The following MOB3A variants were observed in gnomAD, a reference collection of about 807,000 sequenced individuals.
The protein encoded by MOB3A is MOB kinase activator 3A.
Under a neutral mutation model 17.8 loss-of-function variants are expected in MOB3A, and 17 were observed. The observed-to-expected ratio is 0.95, with a 90% CI of 0.65 to 1.43. MOB3A has a LOEUF of 1.43. Among genes scored for constraint, MOB3A ranks in the 40% most tolerant of loss-of-function variants. The pLI is 0.00. For missense variants in MOB3A, 333 were observed against 310.8 expected, an observed-to-expected ratio of 1.07 and a Z score of -0.54; for synonymous variants, 124 against 133.2, an observed-to-expected ratio of 0.93 and a Z score of 0.48.
chr19:2,093,322 T>G lies in MOB3A; in HGVS notation c.-274+2904A>C, dbSNP rs1398690173. Among the ~76,000 whole-genome samples, 1 of 151,886 alleles carries G rather than the reference T, an allele frequency of 6.6e-6. No individual in the cohort carries two copies. The highest frequency in any genetic ancestry group is 1.5e-5 in the Non-Finnish European group (1 of 67,974). Reference sequence around the variant, plus strand: ...ACAGGCACGCGCCAGCATGCCCGGGTAAATTTTGTATTCCTCAGCCGATGA... The same window carrying G: ...ACAGGCACGCGCCAGCATGCCCGGGGAAATTTTGTATTCCTCAGCCGATGA... On this transcript the variant is annotated intron_variant, in intron 1 of 4. Transcript: ENST00000357066. The surrounding 1 kb of genome is among the most constrained non-coding windows in gnomAD (Gnocchi z 4.6).
At position 2,078,465 on chromosome 19, in the gene MOB3A, G is replaced by T; in HGVS notation, c.96C>A (p.His32Gln). ...FEPGTQRFEL[H>Q]KKAQASLNAG... is the part of the protein sequence containing the mutation. ...CGTTCAGCGACGCCTGCGCCTTCTT[G>T]TGCAGCTCGAAGCGCTGGGTGCCTG... The change falls in exon 3 of 5, where the codon CAC becomes CAA. Residue 32 changes from histidine (H) to glutamine (Q), a missense_variant. His to Gln is a conservative substitution (Grantham distance 24). Coordinates refer to ENST00000357066, the MANE Select transcript of MOB3A (RefSeq NM_130807.3). The T allele has an allele frequency of 6.2e-7, 1 of 1,612,614 alleles. No individual in the cohort carries two copies. The highest frequency in any genetic ancestry group is 1.1e-5 in the South Asian group (1 of 91,008).
chr19:2,079,366 C>A (rs900449378), intron 2 of MOB3A, among the ~76,000 whole-genome samples: 8 of 152,246 alleles, frequency 5.3e-5, no homozygotes, highest in African/African-American at 1.7e-4. Context: ...ATGCCCGCAG[C>A]CTGTGCATGG....
intron 2 of MOB3A, among the ~76,000 whole-genome samples, chr19:2,081,502 C>T (rs1422734824): frequency 1.3e-5 from 2 of 151,958 alleles, no homozygotes; most frequent in African/African-American, 2.4e-5. Context: ...GCAGGAGAAT[C>T]GCTTGAACCC....
In MOB3A at chr19:2,073,333, G is replaced by C. The variant is rs887656907; in HGVS notation, c.*62C>G. The C allele has an allele frequency of 8.2e-6, 13 of 1,592,552 alleles. No homozygotes were observed. In the Admixed American group the frequency reaches 1.5e-4, roughly 18 times the overall value. On this transcript the variant is annotated 3_prime_UTR_variant, in exon 5 of 5. Coordinates refer to ENST00000357066, the MANE Select transcript of MOB3A (RefSeq NM_130807.3). ...AGAAGCGGGATGATGGTTCCAGAGC[G>C]TCCTCCTCCAAGTCTCCGAGGCCCC...
chr19:2,075,129 A>G (rs1047996727), intron 4 of MOB3A, among the ~76,000 whole-genome samples: 8 of 152,074 alleles, frequency 5.3e-5, no homozygotes, highest in Non-Finnish European at 5.9e-5. Flanking sequence ...CCCAGGCACA[A>G]GCAATTCTCC....
rs577802369 is a variant in MOB3A at position 2,089,779 on chromosome 19, T to C, written c.-273-4451A>G. On this transcript the variant is annotated intron_variant, in intron 1 of 4. Coordinates refer to ENST00000357066, the MANE Select transcript of MOB3A (RefSeq NM_130807.3). ...GCAGGGAGCAGACTTGATTTTTTTT[T>C]CCCAAATAACTAATGCAGTCCCCCA... 7.9e-5 allele frequency among the ~76,000 whole-genome samples: 12 copies of C among 152,066 alleles called. No homozygotes were observed. The South Asian group carries it at 8.3e-4, about 11-fold the overall frequency.
chr19:2,082,032 C>A lies in MOB3A; in HGVS notation c.-120+3143G>T, dbSNP rs1013521141. ...GACACTGCTCAGGGCAGCCTGGGCA[C>A]AGGTGGCAGGAGGACTTGAGTCCCA... On this transcript the variant is annotated intron_variant, in intron 2 of 4. Coordinates refer to ENST00000357066, the MANE Select transcript of MOB3A (RefSeq NM_130807.3). The surrounding 1 kb of genome is among the most constrained non-coding windows in gnomAD (Gnocchi z 4.1). 2.0e-4 allele frequency among the ~76,000 whole-genome samples: 30 copies of A among 152,302 alleles called. No homozygotes were observed. In the East Asian group the frequency reaches 5.4e-3, roughly 27 times the overall value.
At chr19:2,086,488 T>C (rs901392260) in intron 1 of MOB3A, among the ~76,000 whole-genome samples, 4 of 151,540 alleles carry the variant, frequency 2.6e-5, no homozygotes, top group African/African-American at 9.7e-5. Context: ...GCCTCCTGTA[T>C]AGCTGGGATT....
At chr19:2,096,102 A>T (rs927487221) in intron 1 of MOB3A, 124 bp downstream of exon 1, 6 of 148,914 alleles carry the variant, frequency 4.0e-5, no homozygotes. Flanking sequence ...TGAGGGATCC[A>T]GCTTCCCCGC....
At chr19:2,088,996 A>G (rs957123670) in intron 1 of MOB3A, among the ~76,000 whole-genome samples, 3 of 152,192 alleles carry the variant, frequency 2.0e-5, no homozygotes. Context: ...TCAAACGTGT[A>G]TCTGGCCATC....
At chr19:2,074,662 C>T (rs1008984180) in intron 4 of MOB3A, among the ~76,000 whole-genome samples, 2 of 151,302 alleles carry the variant, frequency 1.3e-5, no homozygotes, top group East Asian at 1.9e-4. Context: ...AAACGATTCT[C>T]CTGCCTCAGC....
chr19:2,095,572 A>G (rs1599415876), intron 1 of MOB3A, among the ~76,000 whole-genome samples: 1 of 151,994 alleles, frequency 6.6e-6, no homozygotes, highest in African/African-American at 2.4e-5. Context: ...GGGCAGGGCC[A>G]GGAGTTCACC....
chr19:2,078,217 G>A lies in MOB3A; in HGVS notation c.344C>T (p.Ala115Val), dbSNP rs375441695. Reference sequence around the variant, plus strand: ...CATCAGCAGGTCCATGTACCTGGGCGCGGAGAGTGCCGTGGGCTTCCGGAA... The same window carrying A: ...CATCAGCAGGTCCATGTACCTGGGCACGGAGAGTGCCGTGGGCTTCCGGAA... Reference protein sequence around the residue: ...HKFRKPTALSAPRYMDLLMDW... With the variant: ...HKFRKPTALSVPRYMDLLMDW... Residue 115 changes from alanine (A) to valine (V), a missense_variant, in exon 3 of 5, where the codon GCG (alanine) becomes GTG (valine). Ala to Val is a moderately conservative substitution (Grantham distance 64). Coordinates refer to ENST00000357066, the MANE Select transcript of MOB3A (RefSeq NM_130807.3). The A allele has an allele frequency of 2.5e-5, 41 of 1,613,206 alleles. No individual in the cohort carries two copies. Among genetic ancestry groups the A allele is most frequent in the Non-Finnish European group, 3.2e-5 (38 of 1,179,502 alleles).
chr19:2,076,661 T>G (rs948081891), intron 4 of MOB3A, 150 bp downstream of exon 4: 30 of 715,732 alleles, frequency 4.2e-5, no homozygotes, highest in Non-Finnish European at 6.1e-5. Context: ...ACTTGTCCCA[T>G]CAGCAGGGTC....
intron 2 of MOB3A, 65 bp downstream of exon 2, chr19:2,085,110 G>A (rs1220026905): frequency 6.6e-6 from 1 of 152,182 alleles, no homozygotes; most frequent in African/African-American, 2.4e-5. Flanking sequence ...TCCAAAGAAA[G>A]GCCGGGGTGG....
chr19:2,083,462 G>A (rs2017514987), intron 2 of MOB3A, among the ~76,000 whole-genome samples: 1 of 152,200 alleles, frequency 6.6e-6, no homozygotes, highest in Non-Finnish European at 1.5e-5. Flanking sequence ...GAAAATGCCG[G>A]CCACCTCCAG....
At chr19:2,088,900 GCT>G (rs370365166) in intron 1 of MOB3A, among the ~76,000 whole-genome samples, 6 of 152,176 alleles carry the variant, frequency 3.9e-5, no homozygotes, top group African/African-American at 9.7e-5. Flanking sequence ...ACGGAGCCTG[GCT>G]CTGTCTCCCT....
At position 2,073,074 on chromosome 19, in the gene MOB3A, G is replaced by A; in HGVS notation, c.*321C>T. Reference sequence around the variant, plus strand: ...GGAGCCTGGGAGCCACCCAGGGCAAGGAGTGACCCTGGAAGCCATCCAGCC... The same window carrying A: ...GGAGCCTGGGAGCCACCCAGGGCAAAGAGTGACCCTGGAAGCCATCCAGCC... On this transcript the variant is annotated 3_prime_UTR_variant, in exon 5 of 5. Transcript: ENST00000357066. 2.4e-6 allele frequency: 1 copy of A among 423,366 alleles called. No individual in the cohort carries two copies. The highest frequency in any genetic ancestry group is 4.2e-6 in the Non-Finnish European group (1 of 235,646). The allele number at this position is 423,366 out of a possible 1,614,324, so 26.2% of individuals were successfully genotyped here.
chr19:2,078,054 C>T, intron 3 of MOB3A, 86 bp downstream of exon 3: 1 of 1,358,488 alleles, frequency 7.4e-7, no homozygotes, highest in Non-Finnish European at 9.8e-7. Context: ...AAAGCGCTGG[C>T]ATTACGGGTG....
Sources: gnomAD v4.1 joint callset for allele counts (sites outside exome capture counted in the v4.1 genomes callset) on GRCh38, gnomAD v4.1.1 for gene constraint, Gnocchi (gnomAD v3.1) non-coding constraint, MANE v1.5 for transcripts, NCBI Gene and HGNC (gene_info 2026-07-23, HGNC 2026-07-21) for gene names.